Variants in PDE7A observed in about 807,000 individuals in gnomAD.
The protein encoded by PDE7A is high affinity 3',5'-cyclic-AMP phosphodiesterase 7A.
PDE7A carries 39 observed loss-of-function variants against 64.3 expected under a neutral mutation model. That is an observed-to-expected ratio of 0.61 (90% CI 0.47 to 0.79). PDE7A has a LOEUF of 0.79. Among genes scored for constraint, PDE7A ranks in the 30% least tolerant of loss-of-function variants. PDE7A has a pLI of 0.00. For missense variants in PDE7A, 470 were observed against 582.8 expected (o/e 0.81, Z 1.99); for synonymous variants, 203 against 206.8 (o/e 0.98, Z 0.16).
intron 1 of PDE7A, among the ~76,000 whole-genome samples, chr8:65,784,036 C>T (rs1169023237): frequency 6.8e-6 from 1 of 146,448 alleles, no homozygotes; most frequent in African/African-American, 2.5e-5. Context: ...AATTAACAAG[C>T]AAAAAAAAAA....
intron 3 of PDE7A, among the ~76,000 whole-genome samples, chr8:65,775,379 C>G (rs1462513083): frequency 6.6e-6 from 1 of 152,170 alleles, no homozygotes; most frequent in Non-Finnish European, 1.5e-5. Flanking sequence ...TTATTTCATT[C>G]TTTCTCATTT....
At position 65,779,782 on chromosome 8, in the gene PDE7A, C is replaced by T; in HGVS notation, c.221G>A (p.Arg74Gln). Residue 74 changes from arginine to glutamine, a missense_variant, in exon 3 of 13, where the codon CGA becomes CAA. Coordinates refer to ENST00000401827, the MANE Select transcript of PDE7A (RefSeq NM_001242318.3). ...TCTTCTTTCTGATTCAAATCCTGCT[C>T]GGCTCCTTACACGTACATCTCCTGG... Reference protein sequence around the residue: ...RMLGDVRVRSRAGFESERRGS... With the variant: ...RMLGDVRVRSQAGFESERRGS... 1 of 1,598,610 alleles carries T rather than the reference C, an allele frequency of 6.3e-7. No homozygotes were observed. Among genetic ancestry groups the T allele is most frequent in the Non-Finnish European group, 8.6e-7 (1 of 1,169,302 alleles).
At chr8:65,730,719 G>A (rs2128895368) in intron 7 of PDE7A, among the ~76,000 whole-genome samples, 1 of 152,144 alleles carries the variant, frequency 6.6e-6, no homozygotes, top group Non-Finnish European at 1.5e-5. Flanking sequence ...CTTGAAGTCA[G>A]GAGTTCGAGA....
intron 1 of PDE7A, among the ~76,000 whole-genome samples, chr8:65,793,338 A>G (rs1019708282): frequency 6.6e-6 from 1 of 152,228 alleles, no homozygotes; most frequent in Non-Finnish European, 1.5e-5. Flanking sequence ...CACAATAGGT[A>G]TATCAGCATG....
At chr8:65,820,443 TAC>T (rs1040152472) in intron 1 of PDE7A, among the ~76,000 whole-genome samples, 2 of 152,190 alleles carry the variant, frequency 1.3e-5, no homozygotes, top group Non-Finnish European at 2.9e-5. Flanking sequence ...AAATTAAATG[TAC>T]CAAATGATCA....
chr8:65,817,971 C>G (rs1810454234), intron 1 of PDE7A, among the ~76,000 whole-genome samples: 2 of 152,048 alleles, frequency 1.3e-5, no homozygotes, highest in South Asian at 4.2e-4. Context: ...CCAAGATGGT[C>G]TCAATCTCCT....
intron 1 of PDE7A, among the ~76,000 whole-genome samples, chr8:65,816,501 A>G (rs1810406388): frequency 6.6e-6 from 1 of 152,200 alleles, no homozygotes; most frequent in Non-Finnish European, 1.5e-5. Context: ...CTATCAACCT[A>G]AAGAACTTAA....
intron 1 of PDE7A, among the ~76,000 whole-genome samples, chr8:65,784,762 T>C (rs1026118339): frequency 6.6e-6 from 1 of 151,750 alleles, no homozygotes; most frequent in Non-Finnish European, 1.5e-5. Flanking sequence ...TACAAATCAA[T>C]TAGAAAAAGA....
chr8:65,744,974 T>C (rs144703456), intron 5 of PDE7A, among the ~76,000 whole-genome samples: 4,011 of 152,296 alleles, frequency 0.026, 199 homozygotes, highest in African/African-American at 0.09. Context: ...TGAATTGTAG[T>C]TCCCATAATT....
intron 1 of PDE7A, among the ~76,000 whole-genome samples, chr8:65,824,649 G>A (rs995684224): frequency 1.3e-5 from 2 of 152,192 alleles, no homozygotes; most frequent in African/African-American, 4.8e-5. Flanking sequence ...ATCAACTGAG[G>A]CAAGACCCTC....
intron 1 of PDE7A, among the ~76,000 whole-genome samples, chr8:65,802,715 T>G (rs902199615): frequency 6.6e-6 from 1 of 152,198 alleles, no homozygotes; most frequent in African/African-American, 2.4e-5. Flanking sequence ...CAATTAAAAC[T>G]TGCAAACCTG....
rs769735700 is a variant in PDE7A at position 65,719,249 on chromosome 8, A to G, written c.*41T>C. ...CCTCAAGACCCCATTTCACATTTCT[A>G]AAAACCTCCAGGAGGCAGTTTGTCC... On this transcript the variant is annotated 3_prime_UTR_variant, in exon 13 of 13. Transcript: ENST00000401827. 1.4e-6 allele frequency: 2 copies of G among 1,442,124 alleles called. No homozygotes were observed. 89.3% of individuals were successfully genotyped at this position (1,442,124 alleles called of 1,614,324 possible).
chr8:65,825,313 C>T (rs1246706569), intron 1 of PDE7A, among the ~76,000 whole-genome samples: 2 of 152,112 alleles, frequency 1.3e-5, no homozygotes, highest in Non-Finnish European at 2.9e-5. Flanking sequence ...TCACCCAGTT[C>T]TTCTTATAGA....
chr8:65,736,795 T>TG (rs1207169510), intron 6 of PDE7A, among the ~76,000 whole-genome samples: 1 of 151,112 alleles, frequency 6.6e-6, no homozygotes, highest in Non-Finnish European at 1.5e-5. Context: ...TATCTGTTTT[T>TG]TTTTTTTTTT....
At chr8:65,782,412 C>T (rs1291691359) in intron 2 of PDE7A, among the ~76,000 whole-genome samples, 1 of 152,168 alleles carries the variant, frequency 6.6e-6, no homozygotes, top group Non-Finnish European at 1.5e-5. Context: ...CATCTAGTGA[C>T]AGGACTATCT....
chr8:65,840,318 T>C (rs1294524846), intron 1 of PDE7A, among the ~76,000 whole-genome samples: 7 of 152,102 alleles, frequency 4.6e-5, no homozygotes, highest in African/African-American at 7.2e-5. Context: ...ACAAACACTT[T>C]AGGCAAAGAA....
At chr8:65,832,297 A>G (rs1810845996) in intron 1 of PDE7A, among the ~76,000 whole-genome samples, 1 of 152,036 alleles carries the variant, frequency 6.6e-6, no homozygotes, top group Admixed American at 6.6e-5. Flanking sequence ...GAAAAATACT[A>G]TACTACATAA....
intron 1 of PDE7A, among the ~76,000 whole-genome samples, chr8:65,790,263 G>T (rs1221399298): frequency 6.6e-6 from 1 of 152,208 alleles, no homozygotes; most frequent in African/African-American, 2.4e-5. Context: ...CCATGTGGGG[G>T]TGTCTTGTCT....
At chr8:65,730,908 G>A (rs2128895446) in intron 7 of PDE7A, among the ~76,000 whole-genome samples, 2 of 152,306 alleles carry the variant, frequency 1.3e-5, no homozygotes, top group South Asian at 4.1e-4. Flanking sequence ...GGGCGACAGA[G>A]TGAGACTCCA....
Sources: allele counts gnomAD v4.1 joint callset (sites outside exome capture counted in the v4.1 genomes callset), GRCh38; gene constraint gnomAD v4.1.1; transcripts MANE v1.5; gene names NCBI Gene and HGNC (gene_info 2026-07-23, HGNC 2026-07-21).